Variants in KCNH2 observed in about 807,000 individuals in gnomAD.
KCNH2 encodes the protein potassium voltage-gated channel subfamily H member 2, also known as voltage-gated inwardly rectifying potassium channel KCNH2.
In KCNH2, 35 loss-of-function variants were observed where a neutral mutation model predicts 95.9. The observed-to-expected ratio is 0.37, with a 90% CI of 0.28 to 0.48. The LOEUF (loss-of-function observed/expected upper bound fraction) is 0.48, where lower values mean the gene tolerates loss of function less well. KCNH2 is among the 20% of genes least tolerant of loss of function. The pLI, the probability that KCNH2 is intolerant of heterozygous loss-of-function variation, is 0.99. For missense variants in KCNH2, 1,274 were observed against 1,702.9 expected, an observed-to-expected ratio of 0.75 and a Z score of 4.43; for synonymous variants, 786 against 754.7, an observed-to-expected ratio of 1.04 and a Z score of -0.68.
intron 2 of KCNH2, among the ~76,000 whole-genome samples, chr7:150,966,384 C>CA: frequency 1.6e-5 from 1 of 61,002 alleles, no homozygotes; most frequent in Admixed American, 1.3e-4. Context: ...TGCCCCCTCC[C>CA]CCCCCCCCAC....
chr7:150,964,683 C>T (rs1801653821), intron 2 of KCNH2, among the ~76,000 whole-genome samples: 1 of 152,212 alleles, frequency 6.6e-6, no homozygotes, highest in Non-Finnish European at 1.5e-5. Context: ...CAGCCATCCT[C>T]GCCCTAGTCG....
intron 13 of KCNH2, 78 bp from the exon 14 acceptor site, chr7:150,947,132 G>C (rs1800924716): frequency 4.2e-6 from 4 of 951,454 alleles, no homozygotes; most frequent in Non-Finnish European, 6.3e-6. Flanking sequence ...GAAGGGGAAG[G>C]GGAGGGGGGA....
chr7:150,955,252 G>A, intron 5 of KCNH2: 1 of 839,982 alleles, frequency 1.2e-6, no homozygotes, highest in Non-Finnish European at 2.0e-6. Flanking sequence ...CCAGGCGCGG[G>A]TGAGCAGGGC....
chr7:150,976,648 A>G (rs1801986358), intron 1 of KCNH2, among the ~76,000 whole-genome samples: 1 of 151,968 alleles, frequency 6.6e-6, no homozygotes, highest in African/African-American at 2.4e-5. Context: ...TCCTCCACAG[A>G]CCTGGAACCT....
In KCNH2 at chr7:150,951,677, G is replaced by A. The variant is rs2116962413; in HGVS notation, c.1716C>T (p.Gly572=). The change falls in exon 7 of 15, where the codon GGC becomes GGT. Residue 572 remains glycine (G), a synonymous_variant. Transcript: ENST00000262186. ...AGTCCATGTGTGGCTGCTCCATGTT[G>A]CCGATGGCGTACCAGATGCAGGCTA... ...HWLACIWYAI[G]NMEQPHMDSR... The A allele has an allele frequency of 1.9e-6, 3 of 1,614,218 alleles. No individual in the cohort carries two copies. Among genetic ancestry groups the A allele is most frequent in the Non-Finnish European group, 2.5e-6 (3 of 1,180,024 alleles).
rs1311500123 is a variant in KCNH2 at position 150,974,950 on chromosome 7, G to A, written c.77-9C>T. 1.3e-5 allele frequency: 20 copies of A among 1,581,824 alleles called. No homozygotes were observed. The South Asian group carries it at 1.9e-4, about 15-fold the overall frequency. ...GATGATGAACTTACGGCCTAGGGGG[G>A]CGGGGAGGAGAGTGCGCGTGAGCGG... On this transcript the variant is annotated splice_polypyrimidine_tract_variant and intron_variant, in intron 1 of 14. Transcript: ENST00000262186.
Position 150,948,318 on chromosome 7 carries a change from G to A in KCNH2, c.2692+126C>T, listed in dbSNP as rs142290080. 3 of 776,472 alleles carry A rather than the reference G, an allele frequency of 3.9e-6. No individual in the cohort carries two copies. The African/African-American group carries it at 5.1e-5, about 13-fold the overall frequency. The allele number at this position is 776,472 out of a possible 1,614,324, so 48.1% of individuals were successfully genotyped here. On this transcript the variant is annotated intron_variant, in intron 11 of 14. Transcript: ENST00000262186. Reference sequence around the variant, plus strand: ...CATCTGGACAGCTGGGGTGTGGAGTGGGCACACTGGAGGAAGGGATGGGAA... The same window carrying A: ...CATCTGGACAGCTGGGGTGTGGAGTAGGCACACTGGAGGAAGGGATGGGAA...
Position 150,947,843 on chromosome 7 carries a change from G to A in KCNH2, c.2728C>T (p.Pro910Ser). ...EQPGEVSALG[P>S]GRAGAGPSSR... is the part of the protein sequence containing the mutation. ...CTCGGCCCTGCCCCCGCCCGGCCCG[G>A]CCCCAAGGCCGACACCTCCCCTGGC... is the stretch of plus-strand genomic sequence containing the variant. Residue 910 changes from proline (P) to serine (S), a missense_variant, in exon 12 of 15, where the codon CCG becomes TCG. By Grantham distance (74) the Pro-to-Ser change is moderately conservative. This residue lies in a region of KCNH2 where 457 missense variants were observed against 416.1 expected (regional missense o/e 1.10). Coordinates refer to ENST00000262186, the MANE Select transcript of KCNH2 (RefSeq NM_000238.4). 1 of 1,526,664 alleles carries A rather than the reference G, an allele frequency of 6.6e-7. No homozygotes were observed. Among genetic ancestry groups the A allele is most frequent in the South Asian group, 1.2e-5 (1 of 82,624 alleles). 94.6% of individuals were successfully genotyped at this position (1,526,664 alleles called of 1,614,324 possible). A position where few individuals can be genotyped will look rare whatever the true frequency, so the allele number is the denominator to read the frequency against.
In KCNH2 at chr7:150,948,447, T is replaced by A; in HGVS notation, c.2689A>T (p.Lys897Ter). The A allele has an allele frequency of 7.6e-7, 1 of 1,319,914 alleles. No individual in the cohort carries two copies. Among genetic ancestry groups the A allele is most frequent in the Non-Finnish European group, 1.0e-6 (1 of 966,854 alleles). 81.8% of individuals were successfully genotyped at this position (1,319,914 alleles called of 1,614,324 possible). ...RKLSFRRRTD[K>*]DTEQPGEVSA... ...TTCCTCCCCTCCCCCGCCTCACCCTTGTCCGTGCGCCTGCGGAAGGACAAC... is the reference window on the plus strand; with the variant it reads ...TTCCTCCCCTCCCCCGCCTCACCCTAGTCCGTGCGCCTGCGGAAGGACAAC... The change falls in exon 11 of 15, where the codon AAG becomes TAG. Residue 897 changes from lysine (K) to a stop codon, truncating the protein, a stop_gained. Transcript: ENST00000262186. LOFTEE classifies it high-confidence loss of function.
chr7:150,945,237 G>T lies in KCNH2; in HGVS notation c.*128C>A. 9.5e-7 allele frequency: 1 copy of T among 1,054,998 alleles called. No individual in the cohort carries two copies. The highest frequency in any genetic ancestry group is 2.7e-5 in the Admixed American group (1 of 37,670). The allele number at this position is 1,054,998 out of a possible 1,614,324, so 65.4% of individuals were successfully genotyped here. ...GAGAAGATGGTCCCAAGGGCTGGGGGAGGAGCTGTGCTTTCGAGTTCCTCT... is the reference window on the plus strand; with the variant it reads ...GAGAAGATGGTCCCAAGGGCTGGGGTAGGAGCTGTGCTTTCGAGTTCCTCT... On this transcript the variant is annotated 3_prime_UTR_variant, in exon 15 of 15. Transcript: ENST00000262186. This position sits in a 1 kb window ranked among gnomAD's most constrained non-coding sequence, Gnocchi z 5.6.
rs750281789 is a variant in KCNH2 at position 150,950,158 on chromosome 7, C to G, written c.2398+10G>C. The stretch of plus-strand genomic sequence containing the variant: ...CATTTCCAGTCCAGTGCCCGCCCCC[C>G]ACCCCATACCCAGGATGGCCACGAC... On this transcript the variant is annotated intron_variant, in intron 9 of 14. Coordinates refer to ENST00000262186, the MANE Select transcript of KCNH2 (RefSeq NM_000238.4). 2.5e-6 allele frequency: 2 copies of G among 807,124 alleles called. No homozygotes were observed. Among genetic ancestry groups the G allele is most frequent in the Admixed American group, 1.9e-5 (1 of 53,154 alleles). 50.0% of individuals were successfully genotyped at this position (807,124 alleles called of 1,614,324 possible).
chr7:150,947,289 T>C (rs2116927756), intron 13 of KCNH2, 39 bp downstream of exon 13: 1 of 1,499,128 alleles, frequency 6.7e-7, no homozygotes, highest in African/African-American at 1.4e-5. Context: ...TGGACCAGAC[T>C]CCAGGGCGTG....
intron 1 of KCNH2, 64 bp downstream of exon 1, chr7:150,977,774 A>G (rs1584885718): frequency 4.1e-6 from 3 of 725,218 alleles, no homozygotes; most frequent in East Asian, 4.9e-5. Flanking sequence ...CCCCCCATCC[A>G]CACTCGGAAG....
rs748357283 is a variant in KCNH2 at position 150,959,725 on chromosome 7, G to A, written c.319C>T (p.Leu107=). The A allele has an allele frequency of 6.2e-7, 1 of 1,614,180 alleles. No homozygotes were observed. The highest frequency in any genetic ancestry group is 1.7e-5 in the Admixed American group (1 of 60,030). The stretch of plus-strand genomic sequence containing the variant: ...ACGGGCACCACATCCACCAGACATA[G>A]GAAGCAGCTCCCTGCAGAGTGGGAG... ...AFYRKDGSCF[L]CLVDVVPVKN... Residue 107 remains leucine (L), a synonymous_variant, in exon 3 of 15, where the codon CTA becomes TTA. Coordinates refer to ENST00000262186, the MANE Select transcript of KCNH2 (RefSeq NM_000238.4).
Position 150,958,439 on chromosome 7 carries a change from G to A in KCNH2, c.536C>T (p.Ser179Leu), listed in dbSNP as rs1420527867. The A allele has an allele frequency of 3.4e-6, 5 of 1,463,374 alleles. No individual in the cohort carries two copies. Among genetic ancestry groups the A allele is most frequent in the East Asian group, 3.0e-5 (1 of 33,608 alleles). 90.6% of individuals were successfully genotyped at this position (1,463,374 alleles called of 1,614,324 possible). The change falls in exon 4 of 15, where the codon TCG becomes TTG. Residue 179 changes from serine to leucine, a missense_variant. Physicochemically the swap from Ser to Leu is moderately radical, Grantham distance 145. This residue lies in a region of KCNH2 where 392 missense variants were observed against 429.9 expected (regional missense o/e 0.91). Coordinates refer to ENST00000262186, the MANE Select transcript of KCNH2 (RefSeq NM_000238.4). Reference protein sequence around the residue: ...ALLALTARESSVRSGGAGGAG... With the variant: ...ALLALTARESLVRSGGAGGAG... ...GCCGCCCGCGCCGCCCGACCGCACC[G>A]ACGACTCCCGGGCCGTCAGCGCCAG... is the stretch of plus-strand genomic sequence containing the variant.
intron 2 of KCNH2, among the ~76,000 whole-genome samples, chr7:150,960,134 G>A (rs1280867676): frequency 7.3e-6 from 1 of 137,588 alleles, no homozygotes; most frequent in Non-Finnish European, 1.5e-5. Context: ...GTAGCACAGT[G>A]CTTAAGCCCA....
chr7:150,955,760 G>A, intron 5 of KCNH2: 1 of 1,246,208 alleles, frequency 8.0e-7, no homozygotes, highest in Non-Finnish European at 1.0e-6. Flanking sequence ...CTGCTGCCAG[G>A]GTGCCGTGCT....
chr7:150,951,892 G>A (rs1432398331), intron 6 of KCNH2, 57 bp from the exon 7 acceptor site: 11 of 1,488,398 alleles, frequency 7.4e-6, no homozygotes, highest in Non-Finnish European at 9.9e-6. Context: ...CAAGGGAGGA[G>A]GGGAGGTGCT....
chr7:150,948,406 G>T, intron 11 of KCNH2, 38 bp downstream of exon 11: 9 of 1,373,024 alleles, frequency 6.6e-6, no homozygotes, highest in Admixed American at 3.9e-5. Flanking sequence ...GCCTCACCTT[G>T]TCCCCGCCCT....
Sources: allele counts gnomAD v4.1 joint callset (sites outside exome capture counted in the v4.1 genomes callset), GRCh38; gene constraint gnomAD v4.1.1; regional missense constraint gnomAD v4.1.1; non-coding constraint Gnocchi (gnomAD v3.1); transcripts MANE v1.5; gene names NCBI Gene and HGNC (gene_info 2026-07-23, HGNC 2026-07-21).